The following PIK3C2A variants were observed in gnomAD, a reference collection of about 807,000 sequenced individuals.
PIK3C2A encodes the protein phosphatidylinositol 4-phosphate 3-kinase C2 domain-containing subunit alpha.
In PIK3C2A, 97 loss-of-function variants were observed where a neutral mutation model predicts 204.5. That is an observed-to-expected ratio of 0.47 (90% CI 0.40 to 0.56). PIK3C2A has a LOEUF of 0.56. PIK3C2A is among the 20% of genes least tolerant of loss of function. The pLI, the probability that PIK3C2A is intolerant of heterozygous loss-of-function variation, is 0.00. For synonymous variants in PIK3C2A, 653 were observed against 664.4 expected, an observed-to-expected ratio of 0.98 and a Z score of 0.26; for missense variants, 1,735 against 1,969.2, an observed-to-expected ratio of 0.88 and a Z score of 2.25.
At chr11:17,115,372 G>GA (rs58726258) in intron 19 of PIK3C2A, among the ~76,000 whole-genome samples, 65 of 84,590 alleles carry the variant, frequency 7.7e-4, no homozygotes, top group East Asian at 3.7e-3. Flanking sequence ...GTCCCTACAA[G>GA]AAAAAAAAAA....
At chr11:17,114,570 C>T (rs538324281) in intron 19 of PIK3C2A, 105 bp from the exon 20 acceptor site, 32 of 582,542 alleles carry the variant, frequency 5.5e-5, no homozygotes, top group Admixed American at 8.1e-5. Context: ...AGTTGTCAAA[C>T]GGTGAAAAAA....
intron 14 of PIK3C2A, among the ~76,000 whole-genome samples, 170 bp downstream of exon 14, chr11:17,122,532 T>G (rs116951398): frequency 1.3e-5 from 2 of 152,156 alleles, no homozygotes; most frequent in South Asian, 2.1e-4. Flanking sequence ...ATAAGTACAG[T>G]GCATGTTTTA....
In PIK3C2A at chr11:17,122,183, C is replaced by G; in HGVS notation, c.2657+5G>C. 6.4e-7 allele frequency: 1 copy of G among 1,573,724 alleles called. No individual in the cohort carries two copies. On this transcript the variant is annotated splice_donor_5th_base_variant and intron_variant, in intron 15 of 32. Coordinates refer to ENST00000691414, the MANE Select transcript of PIK3C2A (RefSeq NM_002645.4). ...TTAGCCCAAAACAGAATAAACAGAA[C>G]ATACCCAAGTGATGAGTCTTTATGA...
intron 24 of PIK3C2A, among the ~76,000 whole-genome samples, chr11:17,102,301 G>A (rs893211418): frequency 2.2e-4 from 34 of 152,108 alleles, no homozygotes; most frequent in Non-Finnish European, 3.4e-4. Flanking sequence ...GCCGGGCGTG[G>A]TGGCGGGCGC....
rs1848689259 is a variant in PIK3C2A, at chr11:17,102,940, ACT to A, written c.3682-111_3682-110del. On this transcript the variant is annotated intron_variant, in intron 23 of 32. Transcript: ENST00000691414. ...CTCTTTAAAAACACTATTGTAATCC[ACT>A]CTCTCAATAGCATACAAACTGGGAT... The A allele has an allele frequency of 3.0e-5, 20 of 672,066 alleles. No individual in the cohort carries two copies. In the South Asian group the frequency reaches 3.9e-4, roughly 13 times the overall value. The allele number at this position is 672,066 out of a possible 1,614,324, so 41.6% of individuals were successfully genotyped here.
chr11:17,195,975 C>G (rs1454244151), intron 1 of PIK3C2A, among the ~76,000 whole-genome samples: 1 of 148,874 alleles, frequency 6.7e-6, no homozygotes, highest in Non-Finnish European at 1.5e-5. Context: ...GGAGGCAGAG[C>G]TTGCAGTGAG....
At chr11:17,134,304 G>A (rs1331885832) in intron 11 of PIK3C2A, among the ~76,000 whole-genome samples, 3 of 151,718 alleles carry the variant, frequency 2.0e-5, no homozygotes, top group Admixed American at 6.6e-5. Flanking sequence ...TTCCTGGCTC[G>A]AGCAATACTC....
At position 17,158,386 on chromosome 11, in the gene PIK3C2A, T is replaced by C. The variant is rs192912365; in HGVS notation, c.1066-2757A>G. ...TAATAATAATAAATATATATATATA[T>C]AATTATATATCTACAGGCATTCATT... On this transcript the variant is annotated intron_variant, in intron 2 of 32. Coordinates refer to ENST00000691414, the MANE Select transcript of PIK3C2A (RefSeq NM_002645.4). 6.4e-3 allele frequency among the ~76,000 whole-genome samples: 945 copies of C among 148,662 alleles called. 12 individuals carry two copies. Among genetic ancestry groups the C allele is most frequent in the African/African-American group, 0.022 (893 of 40,824 alleles).
rs1849857916 is a variant in PIK3C2A, at chr11:17,135,896, AC to A, written c.1848+585del. Among the ~76,000 whole-genome samples the A allele has an allele frequency of 6.6e-5, 10 of 152,178 alleles. 1 individual carries two copies. In the South Asian group the frequency reaches 2.1e-3, roughly 32 times the overall value. On this transcript the variant is annotated intron_variant, in intron 9 of 32. Coordinates refer to ENST00000691414, the MANE Select transcript of PIK3C2A (RefSeq NM_002645.4). ...ATATTTATCATGGCCTTTGAGATGC[AC>A]CCCTTCTTTTATCCTTGCAATTAAA...
At chr11:17,097,685 G>C (rs944471703) in intron 26 of PIK3C2A, among the ~76,000 whole-genome samples, 1 of 152,204 alleles carries the variant, frequency 6.6e-6, no homozygotes, top group African/African-American at 2.4e-5. Flanking sequence ...AGGCCAAGGG[G>C]AGCGGATCAC....
Position 17,127,338 on chromosome 11 carries a change from T to C in PIK3C2A, c.2399+1962A>G, listed in dbSNP as rs536194214. 1.3e-4 allele frequency among the ~76,000 whole-genome samples: 20 copies of C among 152,112 alleles called. No individual in the cohort carries two copies. The East Asian group carries it at 3.7e-3, about 28-fold the overall frequency. ...TTTTTTTTCTTTTGGAGACAGAGTC[T>C]CGCTCTGTCACCCAGGCTGGAGTCC... On this transcript the variant is annotated intron_variant, in intron 13 of 32. Transcript: ENST00000691414.
intron 1 of PIK3C2A, among the ~76,000 whole-genome samples, chr11:17,183,920 C>G (rs1851654704): frequency 6.9e-6 from 1 of 145,840 alleles, no homozygotes; most frequent in African/African-American, 2.6e-5. Flanking sequence ...ACCTGAGCAA[C>G]ATAGTGAGAA....
At chr11:17,152,564 T>C (rs1025705764) in intron 3 of PIK3C2A, among the ~76,000 whole-genome samples, 1 of 152,204 alleles carries the variant, frequency 6.6e-6, no homozygotes, top group Non-Finnish European at 1.5e-5. Flanking sequence ...ATGGATACTC[T>C]AAGCCACACA....
At chr11:17,206,075 G>A (rs2137597870) in intron 1 of PIK3C2A, among the ~76,000 whole-genome samples, 1 of 152,246 alleles carries the variant, frequency 6.6e-6, no homozygotes, top group South Asian at 2.1e-4. Flanking sequence ...GTGAGCTCTC[G>A]TGCCACTGCA....
intron 24 of PIK3C2A, 116 bp downstream of exon 24, chr11:17,102,546 T>C: frequency 1.3e-6 from 1 of 747,766 alleles, no homozygotes; most frequent in Non-Finnish European, 2.2e-6. Context: ...TTGGGCCTTT[T>C]TCATTCCCAG....
At chr11:17,103,294 G>A (rs1848701980) in intron 23 of PIK3C2A, among the ~76,000 whole-genome samples, 1 of 152,044 alleles carries the variant, frequency 6.6e-6, no homozygotes, top group Non-Finnish European at 1.5e-5. Flanking sequence ...TACAAGTAAT[G>A]TGTTTTGTTT....
chr11:17,138,912 AT>A (rs777323309), intron 8 of PIK3C2A, among the ~76,000 whole-genome samples: 163 of 147,146 alleles, frequency 1.1e-3, no homozygotes, highest in African/African-American at 1.1e-3. Context: ...CTAATTAATG[AT>A]TTTTTTTTTT....
intron 19 of PIK3C2A, among the ~76,000 whole-genome samples, chr11:17,116,256 AAAG>A (rs2137329073): frequency 6.6e-6 from 1 of 152,360 alleles, no homozygotes; most frequent in South Asian, 2.1e-4. Context: ...ATATTTCTCC[AAAG>A]AATACAAATG....
chr11:17,129,092 A>G (rs1186178890), intron 13 of PIK3C2A, among the ~76,000 whole-genome samples: 4 of 152,190 alleles, frequency 2.6e-5, no homozygotes, highest in African/African-American at 9.7e-5. Flanking sequence ...AGCTGTGCAT[A>G]CCTATTCAGA....
Sources: gnomAD v4.1 joint callset for allele counts (sites outside exome capture counted in the v4.1 genomes callset) on GRCh38, gnomAD v4.1.1 for gene constraint, MANE v1.5 for transcripts, NCBI Gene and HGNC (gene_info 2026-07-23, HGNC 2026-07-21) for gene names.